Variants in CAMTA2 observed in about 807,000 individuals in gnomAD.
CAMTA2 encodes the protein calmodulin binding transcription activator 2.
Under a neutral mutation model 135.7 loss-of-function variants are expected in CAMTA2, and 56 were observed. The observed-to-expected ratio is 0.41, with a 90% CI of 0.33 to 0.52. The LOEUF (loss-of-function observed/expected upper bound fraction) is 0.52. Ranked by LOEUF, CAMTA2 falls within the 20% of genes least tolerant of loss-of-function variation. CAMTA2 has a pLI of 0.16. For synonymous variants in CAMTA2, 591 were observed against 604.6 expected, an observed-to-expected ratio of 0.98 and a Z score of 0.33; for missense variants, 1,358 against 1,553.4, an observed-to-expected ratio of 0.87 and a Z score of 2.11.
chr17:4,972,621 G>A (rs775881248), intron 15 of CAMTA2, 85 bp from the exon 16 acceptor site: 44 of 1,487,170 alleles, frequency 3.0e-5, no homozygotes, highest in African/African-American at 8.3e-5. Flanking sequence ...TCCTGTTCTC[G>A]GTCCCCGTCT....
rs374538074 is a variant in CAMTA2, at chr17:4,969,022, G to C, written c.3471-41C>G. On this transcript the variant is annotated intron_variant, in intron 21 of 22. Transcript: ENST00000348066. This position sits in a 1 kb window ranked among gnomAD's most constrained non-coding sequence, Gnocchi z 5.6. ...AAAGATGGACCTCACAGAAGGCATC[G>C]CATGCCTTCGGCCCCCCCAGGAACC... 3.8e-5 allele frequency: 60 copies of C among 1,590,274 alleles called. No individual in the cohort carries two copies. Among genetic ancestry groups the C allele is most frequent in the South Asian group, 6.6e-5 (6 of 90,460 alleles).
chr17:4,969,855 C>T lies in CAMTA2; in HGVS notation c.3189+47G>A. The T allele has an allele frequency of 6.2e-7, 1 of 1,605,054 alleles. No homozygotes were observed. Among genetic ancestry groups the T allele is most frequent in the South Asian group, 1.1e-5 (1 of 90,638 alleles). Reference sequence around the variant, plus strand: ...CCAAAAGCCCTGGGAGCCCAGTCTCCCCTGACTGGAGATTGTGTAATTCAT... The same window carrying T: ...CCAAAAGCCCTGGGAGCCCAGTCTCTCCTGACTGGAGATTGTGTAATTCAT... On this transcript the variant is annotated intron_variant, in intron 18 of 22. Coordinates refer to ENST00000348066, the MANE Select transcript of CAMTA2 (RefSeq NM_015099.4). This position sits in a 1 kb window ranked among gnomAD's most constrained non-coding sequence, Gnocchi z 5.6.
chr17:4,974,542 G>T, intron 11 of CAMTA2, 42 bp from the exon 12 acceptor site: 2 of 1,237,538 alleles, frequency 1.6e-6, no homozygotes, highest in East Asian at 2.3e-5. Context: ...GGCAGTCTAG[G>T]TGATGCCCTG....
chr17:4,973,129 C>T, intron 14 of CAMTA2, 46 bp downstream of exon 14: 1 of 1,544,540 alleles, frequency 6.5e-7, no homozygotes. Context: ...AGGGCTGTTC[C>T]CATTGCTCCC....
At chr17:4,987,375 G>T in intron 1 of CAMTA2, 1 of 1,360,818 alleles carries the variant, frequency 7.3e-7, no homozygotes, top group South Asian at 1.8e-5. Flanking sequence ...TGCCGGGTGC[G>T]GGGGTCTCCG....
Position 4,978,531 on chromosome 17 carries a change from G to A in CAMTA2, c.1738C>T (p.Pro580Ser), listed in dbSNP as rs749990547. Residue 580 changes from proline (P) to serine (S), a missense_variant, in exon 10 of 23, where the codon CCT becomes TCT. By Grantham distance (74) the Pro-to-Ser change is moderately conservative. Around this residue, in one of 4 missense-constraint regions of CAMTA2, gnomAD observed 1,077 missense variants for 1,127.5 expected, o/e 0.96. Coordinates refer to ENST00000348066, the MANE Select transcript of CAMTA2 (RefSeq NM_015099.4). ...HIAVPASLVQ[P>S]GVLRCYCPAH... ...GGACAGTAGCAGCGTAAGACACCAG[G>A]CTGGACAAGTGAGGCTGGCACTGCG... 1.9e-6 allele frequency: 3 copies of A among 1,613,960 alleles called. No individual in the cohort carries two copies. In the African/African-American group the frequency reaches 4.0e-5, roughly 22 times the overall value.
chr17:4,977,292 A>G, intron 10 of CAMTA2, 100 bp from the exon 11 acceptor site: 1 of 1,448,302 alleles, frequency 6.9e-7, no homozygotes, highest in Non-Finnish European at 9.3e-7. Flanking sequence ...TATTTCCCCT[A>G]CTGCCCTGCT....
In CAMTA2 at chr17:4,986,439, A is replaced by G. The variant is rs1048120968; in HGVS notation, c.-64-153T>C. On this transcript the variant is annotated intron_variant, in intron 1 of 22. Transcript: ENST00000348066. ...GCTGACTGTGATGTGACAGTAGAAG[A>G]GAGAACAACACACAGTGCCCGGAGC... The G allele has an allele frequency of 2.2e-5, 13 of 594,616 alleles. No individual in the cohort carries two copies. In the East Asian group the frequency reaches 2.5e-4, roughly 12 times the overall value. 36.8% of individuals were successfully genotyped at this position (594,616 alleles called of 1,614,324 possible).
chr17:4,977,080 T>C lies in CAMTA2; in HGVS notation c.1878A>G (p.Gln626=), dbSNP rs768799994. ...ARRFLSLPST[Q]LDWLSLDDNQ... ...CACCGTCCAGTGACAGCCAGTCAAG[T>C]TGAGTACTAGGCAGAGACAGGAATC... The change falls in exon 11 of 23, where the codon CAA becomes CAG. Residue 626 remains glutamine, a synonymous_variant. Coordinates refer to ENST00000348066, the MANE Select transcript of CAMTA2 (RefSeq NM_015099.4). 4 of 1,614,044 alleles carry C rather than the reference T, an allele frequency of 2.5e-6. No individual in the cohort carries two copies. Among genetic ancestry groups the C allele is most frequent in the Non-Finnish European group, 3.4e-6 (4 of 1,180,004 alleles).
Position 4,969,782 on chromosome 17 carries a change from C to T in CAMTA2, c.3190-81G>A. Reference sequence around the variant, plus strand: ...GTCCCTTCAACTTTCCTGGGGTTCCCCTGACCCTTTACCCCATCCAAGGCC... The same window carrying T: ...GTCCCTTCAACTTTCCTGGGGTTCCTCTGACCCTTTACCCCATCCAAGGCC... On this transcript the variant is annotated intron_variant, in intron 18 of 22. Transcript: ENST00000348066. The surrounding 1 kb of genome is among the most constrained non-coding windows in gnomAD (Gnocchi z 5.6). 6.3e-7 allele frequency: 1 copy of T among 1,597,844 alleles called. No homozygotes were observed. The highest frequency in any genetic ancestry group is 8.6e-7 in the Non-Finnish European group (1 of 1,166,804).
chr17:4,983,187 C>T, intron 3 of CAMTA2, 144 bp from the exon 4 acceptor site: 1 of 686,594 alleles, frequency 1.5e-6, no homozygotes, highest in South Asian at 1.7e-5. Flanking sequence ...CCCAGCAAGA[C>T]CCACTGCCCT....
At chr17:4,973,054 A>G in intron 14 of CAMTA2, 63 bp from the exon 15 acceptor site, 1 of 1,514,372 alleles carries the variant, frequency 6.6e-7, no homozygotes, top group South Asian at 1.1e-5. Flanking sequence ...CTCTTCCTCC[A>G]GGTAGTCAGG....
rs1223834236 is a variant in CAMTA2 at position 4,987,335 on chromosome 17, G to C, written c.-65+258C>G. ...TGGAGAAGCCGGGAGCAGAGTCCGC[G>C]GGCACGCGGTGGGCGAGGGACAGTG... On this transcript the variant is annotated intron_variant, in intron 1 of 22. Transcript: ENST00000348066. 7 of 1,344,674 alleles carry C rather than the reference G, an allele frequency of 5.2e-6. No homozygotes were observed. The Admixed American group carries it at 2.7e-4, about 52-fold the overall frequency. The allele number at this position is 1,344,674 out of a possible 1,614,324, so 83.3% of individuals were successfully genotyped here.
chr17:4,969,811 C>A lies in CAMTA2; in HGVS notation c.3189+91G>T. On this transcript the variant is annotated intron_variant, in intron 18 of 22. Coordinates refer to ENST00000348066, the MANE Select transcript of CAMTA2 (RefSeq NM_015099.4). The surrounding 1 kb of genome is among the most constrained non-coding windows in gnomAD (Gnocchi z 5.6). ...ACCCTTTACCCCATCCAAGGCCTGTCTGCACGACTACTCATCCTCCAAAAG... is the reference window on the plus strand; with the variant it reads ...ACCCTTTACCCCATCCAAGGCCTGTATGCACGACTACTCATCCTCCAAAAG... 6.3e-7 allele frequency: 1 copy of A among 1,590,974 alleles called. No individual in the cohort carries two copies. Among genetic ancestry groups the A allele is most frequent in the Non-Finnish European group, 8.6e-7 (1 of 1,161,948 alleles).
At chr17:4,975,173 AG>A (rs1006366799) in intron 11 of CAMTA2, among the ~76,000 whole-genome samples, 1 of 152,154 alleles carries the variant, frequency 6.6e-6, no homozygotes, top group Non-Finnish European at 1.5e-5. Context: ...AAGGGGAGGC[AG>A]GAGGGGATCA....
intron 16 of CAMTA2, among the ~76,000 whole-genome samples, chr17:4,970,813 C>T (rs528151520): frequency 6.6e-6 from 1 of 152,340 alleles, no homozygotes; most frequent in Non-Finnish European, 1.5e-5. Context: ...TCAGGCCAAC[C>T]ATCCACTGTC....
At chr17:4,985,430 G>T (rs568519246) in intron 3 of CAMTA2, among the ~76,000 whole-genome samples, 3 of 152,022 alleles carry the variant, frequency 2.0e-5, no homozygotes, top group Admixed American at 1.3e-4. Context: ...ATGTCTTTTT[G>T]TTTTTGTTTT....
intron 3 of CAMTA2, 63 bp downstream of exon 3, chr17:4,985,817 C>T (rs1567700805): frequency 1.0e-6 from 1 of 994,066 alleles, no homozygotes; most frequent in Non-Finnish European, 1.6e-6. Context: ...AAAGACCCCC[C>T]ACTCACCCTC....
chr17:4,987,583 T>C lies in CAMTA2; in HGVS notation c.-65+10A>G, dbSNP rs1198666727. The C allele has an allele frequency of 8.5e-6, 13 of 1,524,386 alleles. No individual in the cohort carries two copies. Among genetic ancestry groups the C allele is most frequent in the South Asian group, 4.8e-5 (4 of 82,706 alleles). The allele number at this position is 1,524,386 out of a possible 1,614,324, so 94.4% of individuals were successfully genotyped here. A position where few individuals can be genotyped will look rare whatever the true frequency, so the allele number is the denominator to read the frequency against. On this transcript the variant is annotated intron_variant, in intron 1 of 22. Coordinates refer to ENST00000348066, the MANE Select transcript of CAMTA2 (RefSeq NM_015099.4). The stretch of plus-strand genomic sequence containing the variant: ...GGGCGGAGAGGCGGGCGAGAGGCCC[T>C]GGCTCTTACCTCCCGGGGTCCCGCG...
Sources: allele counts gnomAD v4.1 joint callset (sites outside exome capture counted in the v4.1 genomes callset), GRCh38; gene constraint gnomAD v4.1.1; regional missense constraint gnomAD v4.1.1; non-coding constraint Gnocchi (gnomAD v3.1); transcripts MANE v1.5; gene names NCBI Gene and HGNC (gene_info 2026-07-23, HGNC 2026-07-21).